The following PRPS1 variants were observed in gnomAD, a reference collection of about 807,000 sequenced individuals.
PRPS1 encodes the protein ribose-phosphate pyrophosphokinase 1.
PRPS1 carries 1 observed loss-of-function variant against 16.9 expected under a neutral mutation model. The ratio of observed to expected loss-of-function variants is 0.06; its 90% CI spans 0.02 to 0.28. PRPS1 has a LOEUF of 0.28. PRPS1 is among the 10% of genes least tolerant of loss of function. The pLI, the probability that PRPS1 is intolerant of heterozygous loss-of-function variation, is 1.00. For synonymous variants in PRPS1, 70 were observed against 90.2 expected (o/e 0.78, Z 1.27); for missense variants, 47 against 254.0 (o/e 0.19, Z 5.54).
At chrX:107,643,871 A>G (rs1377161577) in intron 4 of PRPS1, among the ~76,000 whole-genome samples, 1 of 111,978 alleles carries the variant, frequency 8.9e-6, no homozygotes, top group Non-Finnish European at 1.9e-5. Context: ...AATGTTACCT[A>G]GATTATGGTT....
intron 5 of PRPS1, among the ~76,000 whole-genome samples, chrX:107,647,298 G>T (rs1350798046): frequency 8.9e-6 from 1 of 112,197 alleles, no homozygotes; most frequent in East Asian, 2.8e-4. Flanking sequence ...CAGCAAAGTG[G>T]TGGCCACCTA....
chrX:107,643,794 A>G (rs1230981953), intron 4 of PRPS1, among the ~76,000 whole-genome samples: 1 of 111,744 alleles, frequency 8.9e-6, no homozygotes, highest in African/African-American at 3.3e-5. Flanking sequence ...GTTACCACTG[A>G]TGTTATGTGC....
At chrX:107,628,855 G>A in intron 1 of PRPS1, 105 bp downstream of exon 1, 1 of 1,104,421 alleles carries the variant, frequency 9.1e-7, no homozygotes, top group Non-Finnish European at 1.2e-6. Context: ...GGGTTGGGGG[G>A]AGAGGGTGCA....
At position 107,628,664 on chromosome X, in the gene PRPS1, C is replaced by T; in HGVS notation, c.36C>T (p.His12=). Residue 12 remains histidine, a synonymous_variant, in exon 1 of 7, where the codon CAC becomes CAT. Transcript: ENST00000372435. ...TCAAAATCTTCAGCGGCAGCTCCCA[C>T]CAGGACTTATCTCAGAAAATTGCTG... The part of the protein sequence containing the change: ...PNIKIFSGSS[H]QDLSQKIADR... The T allele has an allele frequency of 8.3e-7, 1 of 1,211,639 alleles. No homozygotes were observed.
At chrX:107,631,448 A>G (rs1240292342) in intron 1 of PRPS1, among the ~76,000 whole-genome samples, 1 of 111,907 alleles carries the variant, frequency 8.9e-6, no homozygotes, top group Non-Finnish European at 1.9e-5. Flanking sequence ...CCATAATTTT[A>G]TATAACCAAA....
chrX:107,635,289 C>A (rs2073257199), intron 1 of PRPS1, among the ~76,000 whole-genome samples: 1 of 112,344 alleles, frequency 8.9e-6, no homozygotes, highest in Admixed American at 9.4e-5. Flanking sequence ...ACAGATGATA[C>A]TCTGTGTTCT....
At position 107,646,901 on chromosome X, in the gene PRPS1, G is replaced by A. The variant is rs745344721; in HGVS notation, c.705-705G>A. 3.5e-5 allele frequency among the ~76,000 whole-genome samples: 4 copies of A among 112,688 alleles called. No homozygotes were observed. In the South Asian group the frequency reaches 1.4e-3, roughly 41 times the overall value. On this transcript the variant is annotated intron_variant, in intron 5 of 6. Coordinates refer to ENST00000372435, the MANE Select transcript of PRPS1 (RefSeq NM_002764.4). ...GCCACATGGCCACACTGAACTATGT[G>A]AGGGAGGCTGGGAAATGTAGTTCAG...
At chrX:107,631,562 G>A (rs1219916944) in intron 1 of PRPS1, among the ~76,000 whole-genome samples, 1 of 111,830 alleles carries the variant, frequency 8.9e-6, no homozygotes, top group Non-Finnish European at 1.9e-5. Flanking sequence ...TAAATCCCTA[G>A]GAAGGTAATT....
chrX:107,637,417 T>G (rs1209112996), intron 1 of PRPS1, among the ~76,000 whole-genome samples: 1 of 111,777 alleles, frequency 8.9e-6, no homozygotes, highest in East Asian at 2.8e-4. Flanking sequence ...CTGTCTTTTG[T>G]TAAAGTGTCA....
chrX:107,628,799 A>C, intron 1 of PRPS1, 49 bp downstream of exon 1: 2 of 1,208,268 alleles, frequency 1.7e-6, no homozygotes, highest in Non-Finnish European at 2.2e-6. Flanking sequence ...CCCAGGCGGC[A>C]GAGTATAGGA....
chrX:107,637,920 T>A (rs1244515423), intron 1 of PRPS1, among the ~76,000 whole-genome samples: 2 of 104,750 alleles, frequency 1.9e-5, no homozygotes, highest in Admixed American at 2.1e-4. Flanking sequence ...TATGAAATAG[T>A]GTAATATAAA....
chrX:107,633,856 G>A (rs967710707), intron 1 of PRPS1, among the ~76,000 whole-genome samples: 1 of 111,353 alleles, frequency 9.0e-6, no homozygotes, highest in Non-Finnish European at 1.9e-5. Context: ...GAACCTGGGA[G>A]GCAGAGGTTG....
At chrX:107,644,356 A>C (rs1400514426) in intron 4 of PRPS1, among the ~76,000 whole-genome samples, 1 of 111,523 alleles carries the variant, frequency 9.0e-6, no homozygotes, top group Non-Finnish European at 1.9e-5. Context: ...ATGTTTTGCC[A>C]ACAGCACTGA....
intron 1 of PRPS1, among the ~76,000 whole-genome samples, chrX:107,632,170 C>T (rs1240180509): frequency 8.9e-6 from 1 of 112,035 alleles, no homozygotes; most frequent in Admixed American, 9.5e-5. Context: ...TATTATTGTT[C>T]CTTTAAATTT....
At chrX:107,637,929 AATATAT>A (rs796383314) in intron 1 of PRPS1, among the ~76,000 whole-genome samples, 2 of 101,050 alleles carry the variant, frequency 2.0e-5, no homozygotes, top group East Asian at 6.0e-4. Flanking sequence ...GTGTAATATA[AATATAT>A]ATATATATAT....
chrX:107,647,445 T>A (rs1161543518), intron 5 of PRPS1, among the ~76,000 whole-genome samples, 161 bp from the exon 6 acceptor site: 1 of 112,137 alleles, frequency 8.9e-6, no homozygotes, highest in Non-Finnish European at 1.9e-5. Flanking sequence ...TTAAAAAAAT[T>A]TTTCCCCTAA....
At chrX:107,646,149 C>T (rs755546571) in intron 5 of PRPS1, among the ~76,000 whole-genome samples, 1 of 111,534 alleles carries the variant, frequency 9.0e-6, no homozygotes, top group African/African-American at 3.3e-5. Flanking sequence ...GTTACCCAGG[C>T]TGGAGTGTAG....
At chrX:107,641,127 T>G in intron 3 of PRPS1, 127 bp downstream of exon 3, 1 of 1,183,018 alleles carries the variant, frequency 8.5e-7, no homozygotes, top group Non-Finnish European at 1.1e-6. Context: ...CAACAACATT[T>G]TAAATGTGTT....
intron 1 of PRPS1, among the ~76,000 whole-genome samples, chrX:107,634,871 G>A (rs1426620776): frequency 2.0e-5 from 2 of 100,087 alleles, no homozygotes; most frequent in Admixed American, 2.2e-4. Context: ...TCGCTCTCTC[G>A]CTCTGTCTCC....
Sources: gnomAD v4.1 joint callset for allele counts (sites outside exome capture counted in the v4.1 genomes callset) on GRCh38, gnomAD v4.1.1 for gene constraint, MANE v1.5 for transcripts, NCBI Gene and HGNC (gene_info 2026-07-23, HGNC 2026-07-21) for gene names.